Variants in KDM2A observed in about 807,000 individuals in gnomAD.
KDM2A encodes the protein lysine-specific demethylase 2A.
Under a neutral mutation model 137.3 loss-of-function variants are expected in KDM2A, and 3 were observed. That is an observed-to-expected ratio of 0.02 (90% CI 0.01 to 0.06). The LOEUF (loss-of-function observed/expected upper bound fraction) is 0.06, where lower values mean the gene tolerates loss of function less well. KDM2A is among the 10% of genes least tolerant of loss of function. The probability of loss-of-function intolerance (pLI) is 1.00; values close to 1 mark genes in which losing one functional copy is unlikely to be tolerated. For missense variants in KDM2A, 738 were observed against 1,510.6 expected (o/e 0.49, Z 8.48); for synonymous variants, 512 against 541.5 (o/e 0.95, Z 0.76).
intron 5 of KDM2A, among the ~76,000 whole-genome samples, chr11:67,195,318 G>A (rs1857450474): frequency 7.9e-6 from 1 of 126,214 alleles, no homozygotes; most frequent in African/African-American, 3.0e-5. Context: ...GCAGTGAGCC[G>A]AGATCGCACC....
chr11:67,175,195 T>C (rs1590749153), intron 2 of KDM2A, among the ~76,000 whole-genome samples: 1 of 152,186 alleles, frequency 6.6e-6, no homozygotes, highest in Non-Finnish European at 1.5e-5. Flanking sequence ...TTATGAGATA[T>C]GTTATAGAAG....
chr11:67,169,233 C>T (rs373916972), intron 2 of KDM2A, among the ~76,000 whole-genome samples: 3 of 151,880 alleles, frequency 2.0e-5, no homozygotes, highest in Non-Finnish European at 2.9e-5. Context: ...GGATTACAGG[C>T]GTGAGCCACT....
intron 2 of KDM2A, among the ~76,000 whole-genome samples, chr11:67,174,625 CTAAG>C (rs1459155654): frequency 6.6e-6 from 1 of 152,080 alleles, no homozygotes; most frequent in Non-Finnish European, 1.5e-5. Flanking sequence ...TTGAGTTAAT[CTAAG>C]TATTCCATTT....
intron 10 of KDM2A, among the ~76,000 whole-genome samples, chr11:67,221,062 T>C (rs1315181817): frequency 1.3e-5 from 2 of 150,626 alleles, no homozygotes; most frequent in East Asian, 3.9e-4. Flanking sequence ...TTCACAGGAA[T>C]CATAAAAAGA....
At position 67,255,426 on chromosome 11, in the gene KDM2A, T is replaced by G; in HGVS notation, c.*371T>G. The stretch of plus-strand genomic sequence containing the variant: ...CCTCCCCATCCATGGTCCCCAGCAG[T>G]GCCTGGTTCTGAGCAAACTCCCAGG... On this transcript the variant is annotated 3_prime_UTR_variant, in exon 21 of 21. Transcript: ENST00000529006. 2.2e-6 allele frequency: 1 copy of G among 463,218 alleles called. No homozygotes were observed. Among genetic ancestry groups the G allele is most frequent in the Non-Finnish European group, 4.3e-6 (1 of 231,522 alleles). 28.7% of individuals were successfully genotyped at this position (463,218 alleles called of 1,614,324 possible).
At chr11:67,152,999 T>C (rs909499499) in intron 2 of KDM2A, among the ~76,000 whole-genome samples, 6 of 151,642 alleles carry the variant, frequency 4.0e-5, no homozygotes, top group Non-Finnish European at 5.9e-5. Context: ...CTTTTTTTTT[T>C]TGGAGACTGC....
In KDM2A at chr11:67,214,227, C is replaced by T. The variant is rs1235036145; in HGVS notation, c.487-1113C>T. 2.8e-3 allele frequency among the ~76,000 whole-genome samples: 9 copies of T among 3,190 alleles called. 1 individual carries two copies. The South Asian group carries it at 0.029, about 10-fold the overall frequency. 2.1% of individuals were successfully genotyped at this position (3,190 alleles called of 152,430 possible). On this transcript the variant is annotated intron_variant, in intron 6 of 20. Transcript: ENST00000529006. ...AGCTAATTTTTTTTTTTTTTTGAGA[C>T]GGAGTCTTGCTCTGTTACCCAGGCT...
In KDM2A at chr11:67,253,455, C is replaced by T. The variant is rs1296323802; in HGVS notation, c.2935C>T (p.Leu979=). 5 of 1,613,198 alleles carry T rather than the reference C, an allele frequency of 3.1e-6. No homozygotes were observed. Among genetic ancestry groups the T allele is most frequent in the Non-Finnish European group, 2.5e-6 (3 of 1,179,282 alleles). The part of the protein sequence containing the change: ...LTWLVNRLPG[L]KDLLLAGCSW... ...ATGTCTCATTCCATCCATTGCAGGA[C>T]TGAAAGACCTCCTCCTAGCAGGCTG... The change falls in exon 19 of 21, where the codon CTG becomes TTG. Residue 979 remains leucine, a splice_region_variant and synonymous_variant. Coordinates refer to ENST00000529006, the MANE Select transcript of KDM2A (RefSeq NM_012308.3).
At chr11:67,130,620 T>G (rs1348168086) in intron 2 of KDM2A, among the ~76,000 whole-genome samples, 2 of 152,192 alleles carry the variant, frequency 1.3e-5, no homozygotes, top group Non-Finnish European at 2.9e-5. Flanking sequence ...AGACATACAT[T>G]CTTTGTATCT....
chr11:67,202,691 G>T (rs1273261116), intron 5 of KDM2A, among the ~76,000 whole-genome samples: 2 of 151,992 alleles, frequency 1.3e-5, no homozygotes, highest in African/African-American at 2.4e-5. Context: ...CAGGAGAATG[G>T]CGTGAACCCA....
chr11:67,164,052 C>T (rs1236877384), intron 2 of KDM2A, among the ~76,000 whole-genome samples: 1 of 152,048 alleles, frequency 6.6e-6, no homozygotes, highest in Non-Finnish European at 1.5e-5. Flanking sequence ...CTCTATACAG[C>T]CTCTTTTTAT....
intron 3 of KDM2A, among the ~76,000 whole-genome samples, chr11:67,180,708 A>AGT (rs1281489206): frequency 1.3e-5 from 2 of 151,792 alleles, no homozygotes; most frequent in South Asian, 4.2e-4. Flanking sequence ...GGTGGAGTGC[A>AGT]GTGGTGCGAT....
At chr11:67,121,105 C>A in intron 1 of KDM2A, 129 bp from the exon 2 acceptor site, 2 of 565,008 alleles carry the variant, frequency 3.5e-6, no homozygotes, top group East Asian at 2.9e-5. Context: ...CAGAAAGGTC[C>A]CAAACTCATG....
At chr11:67,170,408 CT>C (rs923665021) in intron 2 of KDM2A, among the ~76,000 whole-genome samples, 1,977 of 92,850 alleles carry the variant, frequency 0.021, 2 homozygotes, top group East Asian at 0.027. Context: ...TTCTTTCTTT[CT>C]TTTTTTTTTT....
chr11:67,243,137 G>A (rs1318298620), intron 13 of KDM2A, 45 bp downstream of exon 13: 2 of 1,402,610 alleles, frequency 1.4e-6, no homozygotes, highest in Non-Finnish European at 1.0e-6. Context: ...TAAGCCTTTT[G>A]TTAGTTGATC....
At position 67,181,593 on chromosome 11, in the gene KDM2A, CA is replaced by C. The variant is rs367906544; in HGVS notation, c.260+208del. Among the ~76,000 whole-genome samples, 337 of 128,938 alleles carry C rather than the reference CA, an allele frequency of 2.6e-3. 1 individual carries two copies. The highest frequency in any genetic ancestry group is 5.4e-3 in the African/African-American group (190 of 35,256). The allele number at this position is 128,938 out of a possible 152,430, so 84.6% of individuals were successfully genotyped here. On this transcript the variant is annotated intron_variant, in intron 4 of 20. Transcript: ENST00000529006. The stretch of plus-strand genomic sequence containing the variant: ...GGTAAATGAGAAAATATAGATGAAC[CA>C]AAAAAAAAAAAACAACAAATTTAAA...
At chr11:67,156,796 G>A (rs1383803048) in intron 2 of KDM2A, among the ~76,000 whole-genome samples, 1 of 152,046 alleles carries the variant, frequency 6.6e-6, no homozygotes, top group Non-Finnish European at 1.5e-5. Flanking sequence ...GGCTGAGTCA[G>A]GAGAATCGCT....
intron 6 of KDM2A, among the ~76,000 whole-genome samples, chr11:67,210,076 G>A (rs1472456951): frequency 6.6e-6 from 1 of 151,866 alleles, no homozygotes; most frequent in Non-Finnish European, 1.5e-5. Flanking sequence ...GATAAAAAAT[G>A]TAAATAGAAG....
intron 2 of KDM2A, among the ~76,000 whole-genome samples, chr11:67,141,647 A>G (rs979667845): frequency 5.0e-5 from 7 of 138,616 alleles, no homozygotes; most frequent in Admixed American, 7.7e-5. Flanking sequence ...AGCCTGGGCG[A>G]CAGAATGAGA....
Sources: gnomAD v4.1 joint callset for allele counts (sites outside exome capture counted in the v4.1 genomes callset) on GRCh38, gnomAD v4.1.1 for gene constraint, MANE v1.5 for transcripts, NCBI Gene and HGNC (gene_info 2026-07-23, HGNC 2026-07-21) for gene names.